Variants in STOML3 observed in about 807,000 individuals in gnomAD.
STOML3 encodes stomatin-like protein 3.
STOML3 carries 31 observed loss-of-function variants against 29.5 expected under a neutral mutation model. The ratio of observed to expected loss-of-function variants is 1.05; its 90% CI spans 0.79 to 1.42. The LOEUF (loss-of-function observed/expected upper bound fraction) is 1.42. Among genes scored for constraint, STOML3 ranks in the 40% most tolerant of loss-of-function variants. The pLI, the probability that STOML3 is intolerant of heterozygous loss-of-function variation, is 0.00. For synonymous variants in STOML3, 122 were observed against 139.8 expected, an observed-to-expected ratio of 0.87 and a Z score of 0.90; for missense variants, 380 against 363.0, an observed-to-expected ratio of 1.05 and a Z score of -0.38.
chr13:38,976,569 C>T lies in STOML3; in HGVS notation c.200G>A (p.Arg67His), dbSNP rs34447882. ...CCCCTTGGCTTTGTCAGCTTGGATG[C>T]GTCCCAGACGGAATACAACAGCACG... ...YERAVVFRLG[R>H]IQADKAKGPG... Residue 67 changes from arginine (R) to histidine (H), a missense_variant, in exon 3 of 7, where the codon CGC becomes CAC. Coordinates refer to ENST00000379631, the MANE Select transcript of STOML3 (RefSeq NM_145286.3). 1.9e-6 allele frequency: 3 copies of T among 1,614,124 alleles called. No individual in the cohort carries two copies. Among genetic ancestry groups the T allele is most frequent in the Non-Finnish European group, 2.5e-6 (3 of 1,180,026 alleles).
At position 38,985,883 on chromosome 13, in the gene STOML3, CTATT is replaced by C. The variant is rs1363727116; in HGVS notation, c.52+4783_52+4786del. ...ATATTAACCAAAATATTAACAGTGG[CTATT>C]TCTTTTTTTTTTTTCTTTTCTTTCT... On this transcript the variant is annotated intron_variant, in intron 1 of 6. Coordinates refer to ENST00000379631, the MANE Select transcript of STOML3 (RefSeq NM_145286.3). Among the ~76,000 whole-genome samples the C allele has an allele frequency of 3.7e-4, 36 of 97,122 alleles. 1 individual carries two copies. The highest frequency in any genetic ancestry group is 1.5e-3 in the African/African-American group (35 of 22,604). 63.7% of individuals were successfully genotyped at this position (97,122 alleles called of 152,430 possible).
At chr13:38,981,769 T>G (rs1881273973) in intron 1 of STOML3, among the ~76,000 whole-genome samples, 1 of 152,162 alleles carries the variant, frequency 6.6e-6, no homozygotes, top group African/African-American at 2.4e-5. Flanking sequence ...GGCAATACCA[T>G]GTTTAGCAAG....
intron 1 of STOML3, among the ~76,000 whole-genome samples, chr13:38,980,355 C>G (rs561391568): frequency 6.6e-6 from 1 of 152,192 alleles, no homozygotes. Context: ...CACAGAGTAA[C>G]TCTTCCTGGC....
At chr13:38,984,758 C>A (rs1360039468) in intron 1 of STOML3, among the ~76,000 whole-genome samples, 1 of 152,168 alleles carries the variant, frequency 6.6e-6, no homozygotes, top group Non-Finnish European at 1.5e-5. Flanking sequence ...TTAAGCAGTA[C>A]ATGATTGTAC....
At chr13:38,978,346 G>A (rs967184073) in intron 1 of STOML3, among the ~76,000 whole-genome samples, 1 of 151,958 alleles carries the variant, frequency 6.6e-6, no homozygotes, top group South Asian at 2.1e-4. Context: ...TAGAGACGGG[G>A]TTTCGCCATG....
Position 38,980,098 on chromosome 13 carries a change from G to A in STOML3, c.53-3301C>T, listed in dbSNP as rs371073558. 1.4e-5 allele frequency: 21 copies of A among 1,551,502 alleles called. 3 individuals are homozygous for A. The South Asian group carries it at 1.8e-4, about 13-fold the overall frequency. On this transcript the variant is annotated intron_variant, in intron 1 of 6. Coordinates refer to ENST00000379631, the MANE Select transcript of STOML3 (RefSeq NM_145286.3). ...TCATCAAGCCCTTGCATCATTACACGTGCACATGAGGCTCAGCTCCATTAG... is the reference window on the plus strand; with the variant it reads ...TCATCAAGCCCTTGCATCATTACACATGCACATGAGGCTCAGCTCCATTAG...
At chr13:38,968,365 G>T (rs1880732531) in intron 6 of STOML3, 35 bp downstream of exon 6, 1 of 1,608,942 alleles carries the variant, frequency 6.2e-7, no homozygotes, top group Non-Finnish European at 8.5e-7. Flanking sequence ...ACACTAGGCA[G>T]TTCTCCCTCC....
intron 3 of STOML3, among the ~76,000 whole-genome samples, chr13:38,973,119 A>C (rs1001052884): frequency 3.4e-5 from 5 of 148,496 alleles, no homozygotes; most frequent in African/African-American, 1.3e-4. Flanking sequence ...AAAAAAAAAA[A>C]AAAAAAAAAA....
chr13:38,976,688 T>C lies in STOML3; in HGVS notation c.156+6A>G, dbSNP rs770990082. ...AGATAGCCCAGTTTATTTCCCAGGG[T>C]GTTACCTTCAAGCACATCCATATGG... On this transcript the variant is annotated splice_donor_region_variant and intron_variant, in intron 2 of 6. Transcript: ENST00000379631. 1.2e-6 allele frequency: 2 copies of C among 1,613,764 alleles called. No homozygotes were observed. Among genetic ancestry groups the C allele is most frequent in the South Asian group, 1.1e-5 (1 of 91,018 alleles).
chr13:38,989,050 T>C (rs1323085370), intron 1 of STOML3, among the ~76,000 whole-genome samples: 1 of 147,704 alleles, frequency 6.8e-6, no homozygotes, highest in Non-Finnish European at 1.5e-5. Context: ...TTATATTGTA[T>C]TATATATATT....
At position 38,968,432 on chromosome 13, in the gene STOML3, C is replaced by G. The variant is rs199935161; in HGVS notation, c.619G>C (p.Glu207Gln). ...CTCGCTTCCCGGGTGGCCTCAGCCTCGGCTGCCATGGATCTCTGCAACTGC... is the reference window on the plus strand; with the variant it reads ...CTCGCTTCCCGGGTGGCCTCAGCCTGGGCTGCCATGGATCTCTGCAACTGC... The part of the protein sequence containing the change: ...PVQLQRSMAA[E>Q]AEATREARAK... Residue 207 changes from glutamate (E) to glutamine (Q), a missense_variant, in exon 6 of 7, where the codon GAG (glutamate) becomes CAG (glutamine). Physicochemically the swap from Glu to Gln is conservative, Grantham distance 29 (BLOSUM62 2). Transcript: ENST00000379631. 6.2e-7 allele frequency: 1 copy of G among 1,614,136 alleles called. No individual in the cohort carries two copies. The highest frequency in any genetic ancestry group is 1.7e-5 in the Admixed American group (1 of 60,024).
rs2138006665 is a variant in STOML3, at chr13:38,970,310, C to T, written c.391G>A (p.Ala131Thr). 6.2e-7 allele frequency: 1 copy of T among 1,614,166 alleles called. No individual in the cohort carries two copies. Among genetic ancestry groups the T allele is most frequent in the South Asian group, 1.1e-5 (1 of 91,086 alleles). ...GCTTGATGGACATCGTTGACATTAG[C>T]CACTGCTGAGACAGCACTATAGATT... ...YRIYSAVSAVANVNDVHQATF... is the reference protein window; with the variant it reads ...YRIYSAVSAVTNVNDVHQATF... The change falls in exon 5 of 7, where the codon GCT becomes ACT. Residue 131 changes from alanine to threonine, a missense_variant. Physicochemically the swap from Ala to Thr is moderately conservative, Grantham distance 58 (BLOSUM62 0). Coordinates refer to ENST00000379631, the MANE Select transcript of STOML3 (RefSeq NM_145286.3).
chr13:38,972,838 T>C (rs1019841627), intron 3 of STOML3, among the ~76,000 whole-genome samples: 7 of 152,110 alleles, frequency 4.6e-5, no homozygotes, highest in Non-Finnish European at 8.8e-5. Flanking sequence ...TAATTTTTGG[T>C]TTTTATTTTT....
intron 1 of STOML3, among the ~76,000 whole-genome samples, chr13:38,987,760 T>TTTTA (rs1433994614): frequency 1.7e-5 from 2 of 121,042 alleles, no homozygotes; most frequent in Non-Finnish European, 3.2e-5. Context: ...AGTATGTATA[T>TTTTA]TATATAATAT....
intron 4 of STOML3, among the ~76,000 whole-genome samples, chr13:38,971,038 CTT>C (rs754830596): frequency 6.8e-6 from 1 of 148,024 alleles, no homozygotes. Context: ...TGAATTCTTT[CTT>C]TTTTTTTTTT....
At chr13:38,989,039 G>T (rs1868885690) in intron 1 of STOML3, among the ~76,000 whole-genome samples, 1 of 146,098 alleles carries the variant, frequency 6.8e-6, no homozygotes, top group Admixed American at 7.0e-5. Context: ...TGTTATATAT[G>T]TTATATTGTA....
At chr13:38,988,508 ATT>A (rs1168083459) in intron 1 of STOML3, among the ~76,000 whole-genome samples, 1 of 122,626 alleles carries the variant, frequency 8.2e-6, no homozygotes, top group East Asian at 2.4e-4. Context: ...TATATAATAT[ATT>A]TTATATCATA....
At chr13:38,988,794 G>A (rs550947752) in intron 1 of STOML3, among the ~76,000 whole-genome samples, 4,470 of 141,474 alleles carry the variant, frequency 0.032, 163 homozygotes, top group African/African-American at 0.092. Flanking sequence ...CATATTACAA[G>A]TTATATATTA....
intron 5 of STOML3, 89 bp downstream of exon 5, chr13:38,970,096 G>A: frequency 1.6e-6 from 2 of 1,213,946 alleles, no homozygotes; most frequent in Admixed American, 2.0e-5. Context: ...ATGTGGTGGG[G>A]GATGCTTTGA....
Sources: allele counts gnomAD v4.1 joint callset (sites outside exome capture counted in the v4.1 genomes callset), GRCh38; gene constraint gnomAD v4.1.1; transcripts MANE v1.5; gene names NCBI Gene and HGNC (gene_info 2026-07-23, HGNC 2026-07-21).